Variants in TIMM23B observed in about 807,000 individuals in gnomAD.
TIMM23B encodes translocase of inner mitochondrial membrane 23 homolog B.
A neutral mutation model predicts 27.3 loss-of-function variants in TIMM23B; 27 were observed. The ratio of observed to expected loss-of-function variants is 0.99; its 90% CI spans 0.73 to 1.36. TIMM23B has a LOEUF of 1.36. TIMM23B is among the 40% of genes most tolerant of loss of function. TIMM23B has a pLI of 0.00. For missense variants in TIMM23B, 205 were observed against 244.2 expected (o/e 0.84, Z 1.07); for synonymous variants, 73 against 92.4 (o/e 0.79, Z 1.21).
At chr10:49,956,467 G>GTGTA (rs1369992704) in intron 5 of TIMM23B, among the ~76,000 whole-genome samples, 1 of 107,118 alleles carries the variant, frequency 9.3e-6, no homozygotes, top group South Asian at 3.0e-4. Context: ...GTGTGTGTGT[G>GTGTA]TGTATGTGTG....
In TIMM23B at chr10:49,951,358, A is replaced by T. The variant is rs1215234932; in HGVS notation, c.166-768A>T. On this transcript the variant is annotated intron_variant, in intron 2 of 6. Transcript: ENST00000651259. ...TAGCCATTAGAGGCTTATTTTAACCATCTTTGGATGGAAAGCGTGCCAAAA... is the reference window on the plus strand; with the variant it reads ...TAGCCATTAGAGGCTTATTTTAACCTTCTTTGGATGGAAAGCGTGCCAAAA... Among the ~76,000 whole-genome samples the T allele has an allele frequency of 6.6e-5, 10 of 151,624 alleles. No homozygotes were observed. The East Asian group carries it at 1.9e-3, about 29-fold the overall frequency.
Position 49,971,268 on chromosome 10 carries a change from A to T in TIMM23B, c.515-1744A>T, listed in dbSNP as rs376096259. Among the ~76,000 whole-genome samples, 150 of 150,440 alleles carry T rather than the reference A, an allele frequency of 1.0e-3. 4 individuals are homozygous for T. The South Asian group carries it at 0.029, about 29-fold the overall frequency. On this transcript the variant is annotated intron_variant, in intron 6 of 6. Coordinates refer to ENST00000651259, the MANE Select transcript of TIMM23B (RefSeq NM_001290117.2). ...TTTATCTGCTGACCTTCCCTCCACTATTGTCCTATGACCCTGCCAAATCCC... is the reference window on the plus strand; with the variant it reads ...TTTATCTGCTGACCTTCCCTCCACTTTTGTCCTATGACCCTGCCAAATCCC...
At chr10:49,959,445 C>A (rs1157935728) in intron 6 of TIMM23B, among the ~76,000 whole-genome samples, 1 of 152,130 alleles carries the variant, frequency 6.6e-6, no homozygotes, top group African/African-American at 2.4e-5. Context: ...TAATTCTCTT[C>A]TGTGATAAGT....
At chr10:49,952,579 G>A (rs1400734339) in intron 4 of TIMM23B, 46 bp downstream of exon 4, 63 of 1,606,322 alleles carry the variant, frequency 3.9e-5, no homozygotes, top group Admixed American at 5.0e-5. Flanking sequence ...TGAATATTAA[G>A]CTCTGTTGTA....
chr10:49,942,066 G>A lies in TIMM23B; in HGVS notation c.-129G>A. On this transcript the variant is annotated 5_prime_UTR_variant, in exon 1 of 7. Coordinates refer to ENST00000651259, the MANE Select transcript of TIMM23B (RefSeq NM_001290117.2). Reference sequence around the variant, plus strand: ...AGTGTGGCGCTTAACGGGAACCGGCGCCCGGAATGTCAGCGTGTGAAGTAG... The same window carrying A: ...AGTGTGGCGCTTAACGGGAACCGGCACCCGGAATGTCAGCGTGTGAAGTAG... 5 of 1,267,884 alleles carry A rather than the reference G, an allele frequency of 3.9e-6. No individual in the cohort carries two copies. Among genetic ancestry groups the A allele is most frequent in the South Asian group, 3.1e-5 (2 of 65,382 alleles). The allele number at this position is 1,267,884 out of a possible 1,614,324, so 78.5% of individuals were successfully genotyped here.
At chr10:49,955,483 G>A (rs1393871771) in intron 5 of TIMM23B, among the ~76,000 whole-genome samples, 2 of 152,230 alleles carry the variant, frequency 1.3e-5, no homozygotes, top group African/African-American at 4.8e-5. Flanking sequence ...CTGTTTACCT[G>A]AGTAGATTTC....
chr10:49,971,642 G>A (rs1840455000), intron 6 of TIMM23B, among the ~76,000 whole-genome samples: 1 of 152,104 alleles, frequency 6.6e-6, no homozygotes, highest in Admixed American at 6.5e-5. Flanking sequence ...TATTGCCATT[G>A]AGCATATGCA....
intron 6 of TIMM23B, among the ~76,000 whole-genome samples, chr10:49,962,423 G>C (rs1286945048): frequency 6.6e-6 from 1 of 151,954 alleles, no homozygotes; most frequent in Non-Finnish European, 1.5e-5. Flanking sequence ...GGATGTTCTC[G>C]ATCCCCTGAC....
rs1839667162 is a variant in TIMM23B, at chr10:49,954,998, A to T, written c.345-4A>T. The T allele has an allele frequency of 6.2e-7, 1 of 1,612,770 alleles. No individual in the cohort carries two copies. Among genetic ancestry groups the T allele is most frequent in the Non-Finnish European group, 8.5e-7 (1 of 1,179,026 alleles). On this transcript the variant is annotated splice_polypyrimidine_tract_variant and splice_region_variant and intron_variant, in intron 4 of 6. Transcript: ENST00000651259. ...ACAGATTCTTTCTCTTTCTGCCCTG[A>T]TAGGATTTTGAATATGGTGACTAGG...
intron 6 of TIMM23B, among the ~76,000 whole-genome samples, chr10:49,966,682 G>A (rs1258299905): frequency 2.0e-5 from 3 of 152,026 alleles, no homozygotes; most frequent in African/African-American, 7.3e-5. Flanking sequence ...AAAACTAGCC[G>A]GGCATGATAG....
intron 2 of TIMM23B, among the ~76,000 whole-genome samples, chr10:49,945,363 G>A (rs1839321670): frequency 6.6e-6 from 1 of 152,172 alleles, no homozygotes; most frequent in African/African-American, 2.4e-5. Context: ...TACAAAGTGT[G>A]TGGGGTTTTT....
chr10:49,946,061 C>G (rs1839347844), intron 2 of TIMM23B, among the ~76,000 whole-genome samples: 1 of 152,032 alleles, frequency 6.6e-6, no homozygotes, highest in African/African-American at 2.4e-5. Flanking sequence ...GTGGTGGTGC[C>G]TACCTGTAAT....
intron 5 of TIMM23B, among the ~76,000 whole-genome samples, chr10:49,955,403 G>T (rs1162974056): frequency 0.018 from 2,771 of 152,284 alleles, 81 homozygotes; most frequent in African/African-American, 0.062. Context: ...AAGGTTCAAG[G>T]TCCTGTAGTG....
At chr10:49,951,900 A>G (rs1839542051) in intron 2 of TIMM23B, among the ~76,000 whole-genome samples, 1 of 152,264 alleles carries the variant, frequency 6.6e-6, no homozygotes, top group Non-Finnish European at 1.5e-5. Flanking sequence ...TTTTGAAGGA[A>G]ACAAAGTCTT....
chr10:49,971,240 A>T (rs1210041991), intron 6 of TIMM23B, among the ~76,000 whole-genome samples: 1 of 151,528 alleles, frequency 6.6e-6, no homozygotes, highest in Non-Finnish European at 1.5e-5. Flanking sequence ...CCTTGTTCAC[A>T]TGTTTATCTG....
chr10:49,958,952 G>GC (rs1468601414), intron 6 of TIMM23B, among the ~76,000 whole-genome samples: 4 of 152,126 alleles, frequency 2.6e-5, no homozygotes, highest in African/African-American at 9.7e-5. Flanking sequence ...CCTTTTTAAA[G>GC]CTAAATAATA....
chr10:49,961,936 T>C lies in TIMM23B; in HGVS notation c.514+3456T>C, dbSNP rs1306484720. On this transcript the variant is annotated intron_variant, in intron 6 of 6. Coordinates refer to ENST00000651259, the MANE Select transcript of TIMM23B (RefSeq NM_001290117.2). ...GACTCCCCATAGTACTGTGTCCTTT[T>C]AGGAGAGTTTTTTTGCCACTGATTC... 2.0e-5 allele frequency among the ~76,000 whole-genome samples: 3 copies of C among 150,006 alleles called. No individual in the cohort carries two copies. In the East Asian group the frequency reaches 5.8e-4, roughly 29 times the overall value.
At chr10:49,950,813 A>AT (rs1386166344) in intron 2 of TIMM23B, among the ~76,000 whole-genome samples, 2 of 152,158 alleles carry the variant, frequency 1.3e-5, no homozygotes, top group Non-Finnish European at 2.9e-5. Context: ...AAGCGCTGAG[A>AT]TTACAGGCGG....
rs1214677464 is a variant in TIMM23B, at chr10:49,945,038, G to C, written c.113G>C (p.Gly38Ala). The change falls in exon 2 of 7, where the codon GGT (glycine) becomes GCT (alanine). Residue 38 changes from glycine to alanine, a missense_variant. Physicochemically the swap from Gly to Ala is moderately conservative, Grantham distance 60. Transcript: ENST00000651259. ...HADLAGVPLTGMNPLCPYLNV... is the reference protein window; with the variant it reads ...HADLAGVPLTAMNPLCPYLNV... ...CATTTTGTTTTCTCTCTAGTAACTG[G>C]TATGAACCCTCTGTGTCCTTATTTA... 8 of 1,591,386 alleles carry C rather than the reference G, an allele frequency of 5.0e-6. No individual in the cohort carries two copies. The highest frequency in any genetic ancestry group is 6.9e-6 in the Non-Finnish European group (8 of 1,160,834).
Sources: allele counts gnomAD v4.1 joint callset (sites outside exome capture counted in the v4.1 genomes callset), GRCh38; gene constraint gnomAD v4.1.1; transcripts MANE v1.5; gene names NCBI Gene and HGNC (gene_info 2026-07-23, HGNC 2026-07-21).